TAOK1: variants seen among roughly 807,000 people sequenced by gnomAD.
TAOK1 encodes TAO kinase 1.
Under a neutral mutation model 138.3 loss-of-function variants are expected in TAOK1, and 21 were observed. The ratio of observed to expected loss-of-function variants is 0.15; its 90% CI spans 0.11 to 0.22. The LOEUF is 0.22. Ranked by LOEUF, TAOK1 falls within the 10% of genes least tolerant of loss-of-function variation. The pLI is 1.00. For missense variants in TAOK1, 651 were observed against 1,227.7 expected (o/e 0.53, Z 7.02); for synonymous variants, 361 against 398.4 (o/e 0.91, Z 1.12).
At chr17:29,427,097 C>T (rs2153022296) in intron 1 of TAOK1, among the ~76,000 whole-genome samples, 1 of 152,182 alleles carries the variant, frequency 6.6e-6, no homozygotes, top group South Asian at 2.1e-4. Context: ...TGTAGGCAGA[C>T]ATGGGGGTTT....
At chr17:29,463,502 T>C (rs2030579060) in intron 2 of TAOK1, among the ~76,000 whole-genome samples, 1 of 149,214 alleles carries the variant, frequency 6.7e-6, no homozygotes, top group South Asian at 2.1e-4. Flanking sequence ...ACCCGGGAGG[T>C]GGAGGTTGCA....
chr17:29,440,841 G>T (rs1209113344), intron 1 of TAOK1, among the ~76,000 whole-genome samples: 1 of 152,154 alleles, frequency 6.6e-6, no homozygotes, highest in East Asian at 1.9e-4. Context: ...CTCCTACAGT[G>T]CTGGGATTAC....
chr17:29,424,897 AT>A (rs1905584996), intron 1 of TAOK1: 1 of 152,076 alleles, frequency 6.6e-6, no homozygotes, highest in Non-Finnish European at 1.5e-5. Flanking sequence ...TATTTTAACA[AT>A]TTTGGGGGGA....
chr17:29,503,749 C>T (rs950933970), intron 13 of TAOK1, among the ~76,000 whole-genome samples: 6 of 151,640 alleles, frequency 4.0e-5, no homozygotes, highest in Admixed American at 2.6e-4. Context: ...CTGAGGTGGG[C>T]GGACCACTTG....
intron 3 of TAOK1, among the ~76,000 whole-genome samples, chr17:29,473,673 TG>T (rs2030878745): frequency 6.6e-6 from 1 of 152,022 alleles, no homozygotes; most frequent in African/African-American, 2.4e-5. Flanking sequence ...CTGGATAACT[TG>T]CATGTAGCCT....
At chr17:29,396,234 T>A (rs1567706160) in intron 1 of TAOK1, among the ~76,000 whole-genome samples, 1 of 152,178 alleles carries the variant, frequency 6.6e-6, no homozygotes, top group Non-Finnish European at 1.5e-5. Flanking sequence ...CAGTTATTTC[T>A]GTATCAGTCT....
At chr17:29,474,091 C>A (rs1275230883) in intron 3 of TAOK1, among the ~76,000 whole-genome samples, 2 of 152,086 alleles carry the variant, frequency 1.3e-5, no homozygotes, top group Non-Finnish European at 2.9e-5. Context: ...GATGAAGCAA[C>A]CTCTACTAGC....
At chr17:29,426,627 T>C (rs1342853036) in intron 1 of TAOK1, among the ~76,000 whole-genome samples, 1 of 152,206 alleles carries the variant, frequency 6.6e-6, no homozygotes, top group Non-Finnish European at 1.5e-5. Context: ...CCATTATCCA[T>C]GTCTTGTGCT....
At chr17:29,541,690 C>T (rs1422381766) in intron 19 of TAOK1, among the ~76,000 whole-genome samples, 2 of 150,596 alleles carry the variant, frequency 1.3e-5, no homozygotes, top group African/African-American at 4.9e-5. Flanking sequence ...GCTAGAGAAT[C>T]GCTTGAACCC....
chr17:29,392,385 T>TA (rs1904463000), intron 1 of TAOK1, among the ~76,000 whole-genome samples: 2 of 152,228 alleles, frequency 1.3e-5, no homozygotes, highest in African/African-American at 4.8e-5. Context: ...TCTTTGTTCT[T>TA]ATTAATCTGC....
intron 8 of TAOK1, among the ~76,000 whole-genome samples, chr17:29,485,713 T>C (rs771447551): frequency 4.6e-5 from 7 of 152,202 alleles, no homozygotes; most frequent in Non-Finnish European, 1.0e-4. Flanking sequence ...TTGAGAGGAA[T>C]AAATGAAAAT....
chr17:29,482,305 A>G lies in TAOK1; in HGVS notation c.655+17A>G, dbSNP rs1567730687. 1 of 1,566,484 alleles carries G rather than the reference A, an allele frequency of 6.4e-7. No individual in the cohort carries two copies. Among genetic ancestry groups the G allele is most frequent in the Non-Finnish European group, 8.7e-7 (1 of 1,143,148 alleles). On this transcript the variant is annotated intron_variant, in intron 8 of 19. Coordinates refer to ENST00000261716, the MANE Select transcript of TAOK1 (RefSeq NM_020791.4). The stretch of plus-strand genomic sequence containing the variant: ...TTGAACTAGGTAAGCATTGTTCTTC[A>G]TTACTATGGATTAAGTTTTGATCAA...
At chr17:29,492,166 A>G (rs543421652) in intron 10 of TAOK1, among the ~76,000 whole-genome samples, 9 of 152,274 alleles carry the variant, frequency 5.9e-5, no homozygotes, top group Admixed American at 3.9e-4. Flanking sequence ...GATTACAGGC[A>G]TGAGCCACCA....
chr17:29,468,664 C>T (rs1018154356), intron 3 of TAOK1, among the ~76,000 whole-genome samples: 1 of 152,062 alleles, frequency 6.6e-6, no homozygotes, highest in African/African-American at 2.4e-5. Flanking sequence ...TCTCCTGCCT[C>T]AGCCTCCCAA....
intron 12 of TAOK1, among the ~76,000 whole-genome samples, chr17:29,500,148 G>T (rs908159299): frequency 6.6e-5 from 10 of 151,742 alleles, no homozygotes; most frequent in African/African-American, 2.4e-4. Flanking sequence ...CCCTGTCTCC[G>T]CAAAAAAATT....
At chr17:29,520,666 C>T (rs1306937369) in intron 16 of TAOK1, among the ~76,000 whole-genome samples, 2 of 151,590 alleles carry the variant, frequency 1.3e-5, no homozygotes, top group East Asian at 2.0e-4. Flanking sequence ...CCGCCTGTCT[C>T]GGCCTCCCAG....
intron 1 of TAOK1, among the ~76,000 whole-genome samples, chr17:29,432,082 A>G (rs560350167): frequency 6.6e-6 from 1 of 152,184 alleles, no homozygotes; most frequent in Admixed American, 6.5e-5. Flanking sequence ...AAAGACACAC[A>G]CACAGAAATA....
intron 1 of TAOK1, among the ~76,000 whole-genome samples, chr17:29,394,826 G>A (rs1380290778): frequency 6.6e-6 from 1 of 152,242 alleles, no homozygotes; most frequent in African/African-American, 2.4e-5. Flanking sequence ...TGGGCAAAGT[G>A]GCTCAGGCCT....
In TAOK1 at chr17:29,543,878, G is replaced by A. The variant is rs1399783343; in HGVS notation, c.*856G>A. On this transcript the variant is annotated 3_prime_UTR_variant, in exon 20 of 20. Transcript: ENST00000261716. ...GCCTTCAATGGGGAAGACCAGAAGG[G>A]TGAGAGGGGCCCTGAAAGTTCATAT... The A allele has an allele frequency of 6.6e-6, 1 of 152,200 alleles. No homozygotes were observed. The highest frequency in any genetic ancestry group is 2.4e-5 in the African/African-American group (1 of 41,452). 9.4% of individuals were successfully genotyped at this position (152,200 alleles called of 1,614,324 possible).
Sources: gnomAD v4.1 joint callset for allele counts (sites outside exome capture counted in the v4.1 genomes callset) on GRCh38, gnomAD v4.1.1 for gene constraint, MANE v1.5 for transcripts, NCBI Gene and HGNC (gene_info 2026-07-23, HGNC 2026-07-21) for gene names.